The following VEPH1 variants were observed in gnomAD, a reference collection of about 807,000 sequenced individuals.
The protein encoded by VEPH1 is ventricular zone expressed PH domain containing 1, also known as ventricular zone-expressed PH domain-containing protein homolog 1.
Under a neutral mutation model 85.2 loss-of-function variants are expected in VEPH1, and 80 were observed. That is an observed-to-expected ratio of 0.94 (90% CI 0.78 to 1.13). The LOEUF is 1.13. Ranked by LOEUF, VEPH1 falls within the 50% of genes most tolerant of loss-of-function variation. The probability of loss-of-function intolerance (pLI) is 0.00; values close to 1 mark genes in which losing one functional copy is unlikely to be tolerated. For missense variants in VEPH1, 955 were observed against 980.5 expected (o/e 0.97, Z 0.35); for synonymous variants, 297 against 348.0 (o/e 0.85, Z 1.63).
intron 11 of VEPH1, among the ~76,000 whole-genome samples, chr3:157,291,563 T>A (rs571024859): frequency 1.3e-5 from 2 of 152,354 alleles, no homozygotes; most frequent in Non-Finnish European, 1.5e-5. Context: ...GACATAGTCA[T>A]CAGTCCAAGG....
chr3:157,491,845 C>T (rs1431116126), intron 2 of VEPH1, among the ~76,000 whole-genome samples: 1 of 152,140 alleles, frequency 6.6e-6, no homozygotes. Context: ...CTTAGCACAT[C>T]ACAAGATAAA....
chr3:157,417,789 A>C (rs142271996), intron 5 of VEPH1, among the ~76,000 whole-genome samples: 144 of 152,292 alleles, frequency 9.5e-4, no homozygotes, highest in Middle Eastern at 3.4e-3. Flanking sequence ...CTTACACCAC[A>C]AATATTCAGC....
chr3:157,485,852 C>T (rs1268845298), intron 2 of VEPH1, among the ~76,000 whole-genome samples: 1 of 151,758 alleles, frequency 6.6e-6, no homozygotes, highest in East Asian at 1.9e-4. Context: ...AGAAAACAGG[C>T]AAAACTTATT....
chr3:157,364,263 T>C, intron 8 of VEPH1, 40 bp downstream of exon 8: 2 of 1,469,896 alleles, frequency 1.4e-6, no homozygotes, highest in Non-Finnish European at 1.9e-6. Flanking sequence ...ATAGCGAACA[T>C]GAAGTGTATG....
chr3:157,374,271 T>A (rs1349960419), intron 7 of VEPH1, among the ~76,000 whole-genome samples: 2 of 149,340 alleles, frequency 1.3e-5, no homozygotes, highest in African/African-American at 5.2e-5. Context: ...CTCTCTAGAT[T>A]GAAAAGAGAT....
intron 6 of VEPH1, among the ~76,000 whole-genome samples, chr3:157,400,869 T>C (rs1323596804): frequency 2.6e-5 from 4 of 152,146 alleles, no homozygotes; most frequent in Admixed American, 1.3e-4. Flanking sequence ...AACTAGGGGC[T>C]TGGGAACTTA....
intron 6 of VEPH1, among the ~76,000 whole-genome samples, chr3:157,409,058 T>C (rs2109012971): frequency 6.6e-6 from 1 of 152,270 alleles, no homozygotes; most frequent in Non-Finnish European, 1.5e-5. Flanking sequence ...ATTATATTGC[T>C]GCTGTTACTT....
chr3:157,349,047 C>A (rs1724554163), intron 9 of VEPH1, among the ~76,000 whole-genome samples: 2 of 152,116 alleles, frequency 1.3e-5, no homozygotes, highest in Admixed American at 1.3e-4. Flanking sequence ...AAGGACTCAG[C>A]AAGAAAATAA....
intron 11 of VEPH1, among the ~76,000 whole-genome samples, chr3:157,303,373 G>A (rs957150273): frequency 6.6e-6 from 1 of 152,108 alleles, no homozygotes; most frequent in South Asian, 2.1e-4. Context: ...ATGATTGTTT[G>A]TTTAGTCTCT....
intron 11 of VEPH1, among the ~76,000 whole-genome samples, chr3:157,304,038 T>TATACACACACACACAC: frequency 4.1e-5 from 4 of 96,896 alleles, no homozygotes; most frequent in South Asian, 3.5e-4. Flanking sequence ...TATATATATA[T>TATACACACACACACAC]ACACACATAC....
chr3:157,345,747 A>G (rs537748155), intron 9 of VEPH1, among the ~76,000 whole-genome samples: 1 of 152,338 alleles, frequency 6.6e-6, no homozygotes, highest in Non-Finnish European at 1.5e-5. Flanking sequence ...TCATTGCGGC[A>G]CTATTCACAA....
intron 12 of VEPH1, among the ~76,000 whole-genome samples, chr3:157,266,772 T>C (rs1559908882): frequency 6.6e-6 from 1 of 152,210 alleles, no homozygotes; most frequent in Non-Finnish European, 1.5e-5. Flanking sequence ...AGATTCACTC[T>C]TCAAATTCAG....
intron 11 of VEPH1, among the ~76,000 whole-genome samples, chr3:157,293,466 T>A (rs1405885259): frequency 1.3e-5 from 2 of 152,204 alleles, no homozygotes; most frequent in Admixed American, 6.5e-5. Context: ...AATTTCTTCT[T>A]GGAAAATCAT....
At chr3:157,376,572 C>G (rs2108839530) in intron 7 of VEPH1, among the ~76,000 whole-genome samples, 1 of 152,304 alleles carries the variant, frequency 6.6e-6, no homozygotes, top group East Asian at 1.9e-4. Context: ...AAATGCTTTG[C>G]TTGGCTGTCC....
chr3:157,459,855 T>C (rs934668574), intron 4 of VEPH1: 1 of 1,536,944 alleles, frequency 6.5e-7, no homozygotes, highest in Non-Finnish European at 8.7e-7. Flanking sequence ...TTCCACTCAG[T>C]ACACAGAGAT....
In VEPH1 at chr3:157,392,217, A is replaced by G. The variant is rs75979071; in HGVS notation, c.907-10841T>C. On this transcript the variant is annotated intron_variant, in intron 6 of 13. Coordinates refer to ENST00000362010, the MANE Select transcript of VEPH1 (RefSeq NM_001167912.2). Reference sequence around the variant, plus strand: ...AACTTCATGATAGTATCAAAACCTCATATATCAATATCAACCTTGAATGTA... The same window carrying G: ...AACTTCATGATAGTATCAAAACCTCGTATATCAATATCAACCTTGAATGTA... 3.0e-3 allele frequency among the ~76,000 whole-genome samples: 459 copies of G among 152,368 alleles called. 9 individuals are homozygous for G. In the East Asian group the frequency reaches 0.044, roughly 15 times the overall value.
At chr3:157,347,973 T>C (rs1352499567) in intron 9 of VEPH1, among the ~76,000 whole-genome samples, 1 of 152,168 alleles carries the variant, frequency 6.6e-6, no homozygotes, top group Non-Finnish European at 1.5e-5. Flanking sequence ...GAGTGCGCCC[T>C]CCTCTGGGGG....
intron 9 of VEPH1, among the ~76,000 whole-genome samples, chr3:157,321,044 A>G (rs1016335556): frequency 6.6e-6 from 1 of 152,120 alleles, no homozygotes; most frequent in Non-Finnish European, 1.5e-5. Flanking sequence ...TTTGGTTTAG[A>G]GATAAGTGTC....
intron 4 of VEPH1, among the ~76,000 whole-genome samples, chr3:157,438,220 C>T (rs1158234246): frequency 2.0e-5 from 3 of 151,956 alleles, no homozygotes. Flanking sequence ...GTCTAGGGCC[C>T]CTTACACCCG....
Sources: allele counts gnomAD v4.1 joint callset (sites outside exome capture counted in the v4.1 genomes callset), GRCh38; gene constraint gnomAD v4.1.1; transcripts MANE v1.5; gene names NCBI Gene and HGNC (gene_info 2026-07-23, HGNC 2026-07-21).